ATP13A1: variants seen among roughly 807,000 people sequenced by gnomAD.
ATP13A1 encodes the protein endoplasmic reticulum transmembrane helix translocase.
A neutral mutation model predicts 134.8 loss-of-function variants in ATP13A1; 55 were observed. The observed-to-expected ratio is 0.41, with a 90% confidence interval of 0.33 to 0.51. The LOEUF is 0.51. ATP13A1 is among the 20% of genes least tolerant of loss of function. ATP13A1 has a pLI of 0.29. For missense variants in ATP13A1, 1,389 were observed against 1,652.8 expected (o/e 0.84, Z 2.77); for synonymous variants, 775 against 725.1 (o/e 1.07, Z -1.10).
Position 19,654,688 on chromosome 19 carries a change from C to T in ATP13A1, c.1668G>A (p.Glu556=), listed in dbSNP as rs1374888227. ...RGVAGLRDGK[E]VTPVSSIPVE... is the part of the protein sequence containing the mutation. ...CAGGGATGCTGGACACTGGGGTCACCTCCTTCCCGTCTCTGCAAGGTCGGG... is the reference window on the plus strand; with the variant it reads ...CAGGGATGCTGGACACTGGGGTCACTTCCTTCCCGTCTCTGCAAGGTCGGG... Residue 556 remains glutamate (E), a synonymous_variant, in exon 13 of 26, where the codon GAG becomes GAA. Transcript: ENST00000357324. 2.5e-6 allele frequency: 4 copies of T among 1,612,068 alleles called. No homozygotes were observed. Among genetic ancestry groups the T allele is most frequent in the Non-Finnish European group, 2.5e-6 (3 of 1,179,368 alleles).
chr19:19,663,244 G>C, intron 1 of ATP13A1, 27 bp downstream of exon 1: 1 of 1,564,008 alleles, frequency 6.4e-7, no homozygotes, highest in Non-Finnish European at 8.7e-7. Flanking sequence ...ACCGTGCTGG[G>C]GGTCGGGCTC....
chr19:19,654,529 C>A lies in ATP13A1; in HGVS notation c.1813+14G>T, dbSNP rs201019359. 96 of 1,592,810 alleles carry A rather than the reference C, an allele frequency of 6.0e-5. No individual in the cohort carries two copies. The African/African-American group carries it at 1.1e-3, about 19-fold the overall frequency. On this transcript the variant is annotated intron_variant, in intron 13 of 25. Transcript: ENST00000357324. The stretch of plus-strand genomic sequence containing the variant: ...TGGCTCCCCCTTGCTGGGCCTGAGG[C>A]CCCAGCCCCTCACCTTTGGTCAGCG...
In ATP13A1 at chr19:19,656,300, C is replaced by A. The variant is rs376250928; in HGVS notation, c.1084-117G>T. 35 of 1,368,832 alleles carry A rather than the reference C, an allele frequency of 2.6e-5. No homozygotes were observed. The East Asian group carries it at 2.8e-4, about 11-fold the overall frequency. The allele number at this position is 1,368,832 out of a possible 1,614,324, so 84.8% of individuals were successfully genotyped here. A position where few individuals can be genotyped will look rare whatever the true frequency, so the allele number is the denominator to read the frequency against. On this transcript the variant is annotated intron_variant, in intron 7 of 25. Transcript: ENST00000357324. This position sits in a 1 kb window ranked among gnomAD's most constrained non-coding sequence, Gnocchi z 4.6. ...TGAGCCAGGGGGATCCCCACCCGACCAATACATCCCACCCAGCTCCCAGAT... is the reference window on the plus strand; with the variant it reads ...TGAGCCAGGGGGATCCCCACCCGACAAATACATCCCACCCAGCTCCCAGAT...
In ATP13A1 at chr19:19,652,716, C is replaced by T. The variant is rs780916050; in HGVS notation, c.2105G>A (p.Arg702Gln). 29 of 1,603,578 alleles carry T rather than the reference C, an allele frequency of 1.8e-5. No homozygotes were observed. The highest frequency in any genetic ancestry group is 1.9e-5 in the Non-Finnish European group (22 of 1,176,868). ...CTCCAGGGCCTCCCGCTTGACCTCC[C>T]GGGCCTGCGGACAGACAGGGGCACC... ...ELGHLTHQQA[R>Q]EVKREALECS... The change falls in exon 16 of 26, where the codon CGG becomes CAG. Residue 702 changes from arginine to glutamine, a missense_variant. Arg to Gln is a conservative substitution (Grantham distance 43). This residue lies in a region of ATP13A1 where 747 missense variants were observed against 956.1 expected (regional missense o/e 0.78). Coordinates refer to ENST00000357324, the MANE Select transcript of ATP13A1 (RefSeq NM_020410.3).
intron 1 of ATP13A1, 52 bp from the exon 2 acceptor site, chr19:19,660,039 C>T (rs2062084432): frequency 2.0e-6 from 3 of 1,503,912 alleles, no homozygotes; most frequent in Non-Finnish European, 2.7e-6. Flanking sequence ...ACCTACAGTT[C>T]CAAGACCCCC....
chr19:19,646,052 T>C, intron 23 of ATP13A1, 67 bp from the exon 24 acceptor site: 1 of 1,598,976 alleles, frequency 6.3e-7, no homozygotes, highest in Non-Finnish European at 8.5e-7. Context: ...TGTGGCTTCC[T>C]GCTGCCCTGG....
intron 19 of ATP13A1, among the ~76,000 whole-genome samples, chr19:19,648,038 G>A (rs1258862318): frequency 6.6e-6 from 1 of 152,148 alleles, no homozygotes; most frequent in African/African-American, 2.4e-5. Flanking sequence ...ACTGATTTTG[G>A]CCGAGCGCAG....
chr19:19,659,774 C>T lies in ATP13A1; in HGVS notation c.504G>A (p.Glu168=). 6.2e-7 allele frequency: 1 copy of T among 1,613,860 alleles called. No homozygotes were observed. Among genetic ancestry groups the T allele is most frequent in the Non-Finnish European group, 8.5e-7 (1 of 1,179,844 alleles). The change falls in exon 3 of 26, where the codon GAG becomes GAA. Residue 168 remains glutamate, a synonymous_variant. Transcript: ENST00000357324. ...TCTTCTGGAATTCGAAGGACAGCACCTCAAGCCCGTCTTCGCCCTGCGGTA... is the reference window on the plus strand; with the variant it reads ...TCTTCTGGAATTCGAAGGACAGCACTTCAAGCCCGTCTTCGCCCTGCGGTA... ...LHRNEGEDGL[E]VLSFEFQKIK...
intron 4 of ATP13A1, 84 bp downstream of exon 4, chr19:19,657,252 G>A: frequency 1.3e-6 from 2 of 1,501,854 alleles, no homozygotes; most frequent in Non-Finnish European, 1.8e-6. Flanking sequence ...AGGCTTCCAG[G>A]TTTAGAAGTG....
Position 19,647,039 on chromosome 19 carries a change from G to T in ATP13A1, c.3105+90C>A. ...CCCCATCTCTGGGGCCCTGGGTCCT[G>T]TAACTTGGGGATGACAATTCCCGTG... On this transcript the variant is annotated intron_variant, in intron 22 of 25. Transcript: ENST00000357324. The surrounding 1 kb of genome is among the most constrained non-coding windows in gnomAD (Gnocchi z 4.8). 7.2e-7 allele frequency: 1 copy of T among 1,397,852 alleles called. No individual in the cohort carries two copies. Among genetic ancestry groups the T allele is most frequent in the Non-Finnish European group, 9.7e-7 (1 of 1,033,026 alleles). The allele number at this position is 1,397,852 out of a possible 1,614,324, so 86.6% of individuals were successfully genotyped here.
chr19:19,658,579 G>T (rs1292498047), intron 3 of ATP13A1, among the ~76,000 whole-genome samples: 1 of 152,238 alleles, frequency 6.6e-6, no homozygotes, highest in East Asian at 1.9e-4. Flanking sequence ...CTCCCTAGGT[G>T]TTCTGTGGGT....
At chr19:19,663,246 G>A in intron 1 of ATP13A1, 25 bp downstream of exon 1, 2 of 1,564,574 alleles carry the variant, frequency 1.3e-6, no homozygotes, top group Non-Finnish European at 1.7e-6. Flanking sequence ...CGTGCTGGGG[G>A]TCGGGCTCGC....
Position 19,663,202 on chromosome 19 carries a change from AAGG to A in ATP13A1, c.396+66_396+68del, listed in dbSNP as rs1447521454. 3 of 1,548,170 alleles carry A rather than the reference AAGG, an allele frequency of 1.9e-6. No homozygotes were observed. The African/African-American group carries it at 4.1e-5, about 21-fold the overall frequency. ...CCAGGTCGCGATGGTGACCGACAGGAAGGCCGCAGCTGGGACCCACGGCGAGGC... is the reference window on the plus strand; with the variant it reads ...CCAGGTCGCGATGGTGACCGACAGGACCGCAGCTGGGACCCACGGCGAGGC... On this transcript the variant is annotated intron_variant, in intron 1 of 25. Coordinates refer to ENST00000357324, the MANE Select transcript of ATP13A1 (RefSeq NM_020410.3).
Position 19,663,108 on chromosome 19 carries a change from G to C in ATP13A1, c.396+163C>G, listed in dbSNP as rs573579141. The C allele has an allele frequency of 7.0e-4, 704 of 1,012,574 alleles. 6 individuals are homozygous for C. Among genetic ancestry groups the C allele is most frequent in the Admixed American group, 6.1e-3 (305 of 50,314 alleles). The allele number at this position is 1,012,574 out of a possible 1,614,324, so 62.7% of individuals were successfully genotyped here. A position where few individuals can be genotyped will look rare whatever the true frequency, so the allele number is the denominator to read the frequency against. On this transcript the variant is annotated intron_variant, in intron 1 of 25. Coordinates refer to ENST00000357324, the MANE Select transcript of ATP13A1 (RefSeq NM_020410.3). ...GGCATGCACAGCAAGTCAGCAGTGG[G>C]GTCATGATTAAGCCTGCGCCAAAGT...
chr19:19,654,165 G>C, intron 13 of ATP13A1, 21 bp from the exon 14 acceptor site: 1 of 1,566,634 alleles, frequency 6.4e-7, no homozygotes, highest in Non-Finnish European at 8.7e-7. Flanking sequence ...ATAAGTACGA[G>C]TCCTGAGGGG....
chr19:19,663,112 A>G (rs1269502558), intron 1 of ATP13A1, 159 bp downstream of exon 1: 2 of 1,078,666 alleles, frequency 1.9e-6, no homozygotes, highest in African/African-American at 3.1e-5. Context: ...CAGTGGGGTC[A>G]TGATTAAGCC....
rs764885970 is a variant in ATP13A1, at chr19:19,655,884, T to C, written c.1263A>G (p.Thr421=). ...CCCAGACCTGGCCCCGCACCTGGGA[T>C]GTGTTGAATCCGGTCCGCAGGACGT... ...VAYVLRTGFN[T]SQGKLLRTIL... Residue 421 remains threonine, a synonymous_variant, in exon 9 of 26, where the codon ACA becomes ACG. Coordinates refer to ENST00000357324, the MANE Select transcript of ATP13A1 (RefSeq NM_020410.3). This position sits in a 1 kb window ranked among gnomAD's most constrained non-coding sequence, Gnocchi z 5.7. 6 of 1,587,930 alleles carry C rather than the reference T, an allele frequency of 3.8e-6. No homozygotes were observed. In the South Asian group the frequency reaches 4.5e-5, roughly 12 times the overall value.
At chr19:19,657,549 A>G in intron 3 of ATP13A1, 141 bp from the exon 4 acceptor site, 2 of 797,486 alleles carry the variant, frequency 2.5e-6, no homozygotes, top group Non-Finnish European at 3.8e-6. Flanking sequence ...AGCCCTGGCG[A>G]GCTTCCAGAT....
chr19:19,652,867 G>A, intron 15 of ATP13A1, 147 bp from the exon 16 acceptor site: 12 of 1,174,554 alleles, frequency 1.0e-5, no homozygotes, highest in Non-Finnish European at 1.4e-5. Flanking sequence ...TGGGAGGGGA[G>A]AAATGCCAGG....
Sources: allele counts gnomAD v4.1 joint callset (sites outside exome capture counted in the v4.1 genomes callset), GRCh38; gene constraint gnomAD v4.1.1; regional missense constraint gnomAD v4.1.1; non-coding constraint Gnocchi (gnomAD v3.1); transcripts MANE v1.5; gene names NCBI Gene and HGNC (gene_info 2026-07-23, HGNC 2026-07-21).